The following ARMC1 variants were observed in gnomAD, a reference collection of about 807,000 sequenced individuals.
ARMC1 encodes armadillo repeat-containing protein 1.
A neutral mutation model predicts 31.4 loss-of-function variants in ARMC1; 16 were observed. That is an observed-to-expected ratio of 0.51 (90% CI 0.34 to 0.77). The LOEUF is 0.77. ARMC1 is among the 30% of genes least tolerant of loss of function. The pLI, the probability that ARMC1 is intolerant of heterozygous loss-of-function variation, is 0.01. For missense variants in ARMC1, 259 were observed against 347.5 expected (o/e 0.75, Z 2.02); for synonymous variants, 114 against 118.9 (o/e 0.96, Z 0.27).
intron 1 of ARMC1, among the ~76,000 whole-genome samples, chr8:65,629,798 CAAAAAA>C (rs56044753): frequency 9.9e-6 from 1 of 101,356 alleles, no homozygotes; most frequent in Admixed American, 1.1e-4. Flanking sequence ...GACTCCGTCT[CAAAAAA>C]AAAAAAAAAA....
chr8:65,609,203 A>G (rs1415801084), intron 4 of ARMC1, among the ~76,000 whole-genome samples: 2 of 141,572 alleles, frequency 1.4e-5, no homozygotes, highest in African/African-American at 5.4e-5. Context: ...CTTGGGCTCT[A>G]GCAATCTTCC....
At chr8:65,625,739 T>C (rs77907080) in intron 2 of ARMC1, among the ~76,000 whole-genome samples, 64 of 152,226 alleles carry the variant, frequency 4.2e-4, no homozygotes, top group African/African-American at 1.5e-3. Context: ...CTTCATTCTG[T>C]AAAGGCAAAA....
At chr8:65,611,685 C>A (rs1448270043) in intron 4 of ARMC1, among the ~76,000 whole-genome samples, 21 of 152,082 alleles carry the variant, frequency 1.4e-4, no homozygotes, top group Admixed American at 1.4e-3. Flanking sequence ...TAATGAATTT[C>A]CACTTTAAAC....
intron 3 of ARMC1, among the ~76,000 whole-genome samples, chr8:65,615,520 C>T (rs1183757732): frequency 3.3e-5 from 5 of 151,640 alleles, no homozygotes; most frequent in African/African-American, 1.2e-4. Flanking sequence ...GCCTGGCCAA[C>T]ATGGCGAAAC....
At chr8:65,617,132 C>T (rs1421906472) in intron 3 of ARMC1, among the ~76,000 whole-genome samples, 1 of 152,244 alleles carries the variant, frequency 6.6e-6, no homozygotes, top group Non-Finnish European at 1.5e-5. Flanking sequence ...TACCCAACAG[C>T]TCATTGAGAA....
chr8:65,627,867 AC>A (rs1170840038), intron 1 of ARMC1, among the ~76,000 whole-genome samples: 1 of 152,316 alleles, frequency 6.6e-6, no homozygotes, highest in South Asian at 2.1e-4. Context: ...GTGAACAAAA[AC>A]CTAGCATACT....
At position 65,617,601 on chromosome 8, in the gene ARMC1, C is replaced by T. The variant is rs561615772; in HGVS notation, c.276-4168G>A. Among the ~76,000 whole-genome samples, 11 of 151,336 alleles carry T rather than the reference C, an allele frequency of 7.3e-5. No individual in the cohort carries two copies. In the South Asian group the frequency reaches 2.3e-3, roughly 31 times the overall value. The stretch of plus-strand genomic sequence containing the variant: ...GCCAAATCCCCCTCTGCGAGAAACA[C>T]CCAAGAATGATCAATTAAAAAAAAA... On this transcript the variant is annotated intron_variant, in intron 3 of 6. Coordinates refer to ENST00000276569, the MANE Select transcript of ARMC1 (RefSeq NM_018120.6).
Position 65,624,512 on chromosome 8 carries a change from G to A in ARMC1, c.184-2158C>T, listed in dbSNP as rs1254383172. On this transcript the variant is annotated intron_variant, in intron 2 of 6. Coordinates refer to ENST00000276569, the MANE Select transcript of ARMC1 (RefSeq NM_018120.6). Reference sequence around the variant, plus strand: ...AGACTCCATCTCAAAAAAAAAAAAAGACATTTTTAAATTTTTAATCTCTTT... The same window carrying A: ...AGACTCCATCTCAAAAAAAAAAAAAAACATTTTTAAATTTTTAATCTCTTT... Among the ~76,000 whole-genome samples, 395 of 79,420 alleles carry A rather than the reference G, an allele frequency of 5.0e-3. 3 individuals are homozygous for A. Among genetic ancestry groups the A allele is most frequent in the East Asian group, 6.7e-3 (18 of 2,696 alleles). 52.1% of individuals were successfully genotyped at this position (79,420 alleles called of 152,430 possible).
At chr8:65,624,154 T>C (rs185770276) in intron 2 of ARMC1, among the ~76,000 whole-genome samples, 30 of 152,106 alleles carry the variant, frequency 2.0e-4, no homozygotes, top group African/African-American at 7.0e-4. Context: ...AAAATGAATC[T>C]ATATTGGGGA....
At chr8:65,614,435 C>T (rs1808208280) in intron 3 of ARMC1, among the ~76,000 whole-genome samples, 1 of 152,138 alleles carries the variant, frequency 6.6e-6, no homozygotes, top group Non-Finnish European at 1.5e-5. Context: ...ATTAATTTAC[C>T]TTTAATTAAT....
At chr8:65,624,740 C>A (rs375098014) in intron 2 of ARMC1, among the ~76,000 whole-genome samples, 35 of 150,204 alleles carry the variant, frequency 2.3e-4, no homozygotes, top group African/African-American at 8.5e-4. Flanking sequence ...TATTGTAAAA[C>A]CTACAGCAAC....
chr8:65,605,551 A>C lies in ARMC1; in HGVS notation c.466-13T>G. On this transcript the variant is annotated splice_polypyrimidine_tract_variant and intron_variant, in intron 4 of 6. Transcript: ENST00000276569. The stretch of plus-strand genomic sequence containing the variant: ...GATTTCTCCGAGACTGAAAAAGTAA[A>C]AGCAAATTGTTATGAAAATAGGTAA... 1 of 1,557,274 alleles carries C rather than the reference A, an allele frequency of 6.4e-7. No homozygotes were observed. The highest frequency in any genetic ancestry group is 8.9e-7 in the Non-Finnish European group (1 of 1,128,602).
intron 2 of ARMC1, among the ~76,000 whole-genome samples, 193 bp from the exon 3 acceptor site, chr8:65,622,547 C>T (rs937742908): frequency 1.3e-5 from 2 of 152,328 alleles, no homozygotes; most frequent in East Asian, 1.9e-4. Flanking sequence ...AGCTGATCTA[C>T]TCTTCGAAAT....
At chr8:65,617,004 G>A (rs1808282757) in intron 3 of ARMC1, among the ~76,000 whole-genome samples, 2 of 150,816 alleles carry the variant, frequency 1.3e-5, no homozygotes, top group Non-Finnish European at 1.5e-5. Flanking sequence ...AGGGAGGCGG[G>A]GGGCAGCCCC....
At chr8:65,630,042 G>A (rs6472216) in intron 1 of ARMC1, among the ~76,000 whole-genome samples, 96,015 of 151,224 alleles carry the variant, frequency 0.63, 30,667 homozygotes, top group African/African-American at 0.69. Context: ...CTACTTGGGA[G>A]GCTGAGGCCA....
At chr8:65,610,856 G>C (rs539177225) in intron 4 of ARMC1, among the ~76,000 whole-genome samples, 1 of 152,060 alleles carries the variant, frequency 6.6e-6, no homozygotes, top group Admixed American at 6.6e-5. Context: ...AGTGAGCTTC[G>C]GTCATCTGTG....
chr8:65,611,738 T>A (rs1448276983), intron 4 of ARMC1, among the ~76,000 whole-genome samples: 27 of 152,142 alleles, frequency 1.8e-4, no homozygotes, highest in Admixed American at 1.8e-3. Context: ...CATTTTCATG[T>A]ATATATCACT....
intron 2 of ARMC1, among the ~76,000 whole-genome samples, chr8:65,623,884 AC>A (rs1224132597): frequency 1.7e-5 from 2 of 120,416 alleles, no homozygotes; most frequent in Non-Finnish European, 3.2e-5. Context: ...TGCAACCTCC[AC>A]CCCCCGAGTT....
In ARMC1 at chr8:65,628,580, C is replaced by T. The variant is rs548371543; in HGVS notation, c.-35-1147G>A. Reference sequence around the variant, plus strand: ...TCGTTTTAAAATCAGTATTTTGGCCCGGCATGGTGGCTCATGCCTGTAATC... The same window carrying T: ...TCGTTTTAAAATCAGTATTTTGGCCTGGCATGGTGGCTCATGCCTGTAATC... On this transcript the variant is annotated intron_variant, in intron 1 of 6. Coordinates refer to ENST00000276569, the MANE Select transcript of ARMC1 (RefSeq NM_018120.6). 1.9e-4 allele frequency among the ~76,000 whole-genome samples: 28 copies of T among 149,836 alleles called. No homozygotes were observed. In the East Asian group the frequency reaches 5.2e-3, roughly 28 times the overall value.
Sources: allele counts gnomAD v4.1 joint callset (sites outside exome capture counted in the v4.1 genomes callset), GRCh38; gene constraint gnomAD v4.1.1; transcripts MANE v1.5; gene names NCBI Gene and HGNC (gene_info 2026-07-23, HGNC 2026-07-21).